DAB1: variants seen among roughly 807,000 people sequenced by gnomAD.
DAB1 encodes the protein disabled homolog 1.
In DAB1, 15 loss-of-function variants were observed where a neutral mutation model predicts 64.6. The observed-to-expected ratio is 0.23, with a 90% CI of 0.16 to 0.36. The LOEUF (loss-of-function observed/expected upper bound fraction) is 0.36. Among genes scored for constraint, DAB1 ranks in the 10% least tolerant of loss-of-function variants. The pLI is 1.00. For synonymous variants in DAB1, 235 were observed against 251.9 expected (o/e 0.93, Z 0.64); for missense variants, 596 against 706.7 (o/e 0.84, Z 1.78).
chr1:58,049,482 T>C (rs1029307145), intron 5 of DAB1: 2 of 222,326 alleles, frequency 9.0e-6, no homozygotes, highest in African/African-American at 4.6e-5. Context: ...CAGAAGGAAT[T>C]GATTGTGTCT....
chr1:57,889,900 G>GGC (rs201797450), intron 5 of DAB1, among the ~76,000 whole-genome samples: 4,320 of 60,484 alleles, frequency 0.071, 391 homozygotes, highest in African/African-American at 0.26. Context: ...AAACTGGGGC[G>GGC]GGGGGGGGGG....
intron 3 of DAB1, among the ~76,000 whole-genome samples, chr1:58,390,882 GC>G (rs1256512798): frequency 6.6e-6 from 1 of 152,168 alleles, no homozygotes; most frequent in Non-Finnish European, 1.5e-5. Context: ...TGTCTGGCAT[GC>G]AGTGGGAATC....
Position 57,841,661 on chromosome 1 carries a change from A to C in DAB1, n.88-15206T>G, listed in dbSNP as rs577884237. Among the ~76,000 whole-genome samples the C allele has an allele frequency of 3.3e-5, 5 of 152,330 alleles. No individual in the cohort carries two copies. The South Asian group carries it at 1.0e-3, about 32-fold the overall frequency. On this transcript the variant is annotated intron_variant and non_coding_transcript_variant, in intron 1 of 1. Transcript: ENST00000477280. ...CTGTACCTTGGCCCCTTTTAGCCAC[A>C]GCTGGAGCTGGAGTGGCTGGAATGC... is the stretch of plus-strand genomic sequence containing the variant.
chr1:58,187,609 C>T (rs908623482), intron 4 of DAB1, among the ~76,000 whole-genome samples: 5 of 149,908 alleles, frequency 3.3e-5, no homozygotes, highest in African/African-American at 1.2e-4. Flanking sequence ...GAAAGAGTTG[C>T]ACTCTTGTCA....
intron 2 of DAB1, among the ~76,000 whole-genome samples, chr1:57,263,509 A>AC (rs1670357725): frequency 6.6e-6 from 1 of 152,182 alleles, no homozygotes; most frequent in Non-Finnish European, 1.5e-5. Flanking sequence ...CCTAGTAAGC[A>AC]CTTATTAACA....
intron 1 of DAB1, among the ~76,000 whole-genome samples, chr1:57,844,615 TTC>T (rs1183832105): frequency 6.6e-6 from 1 of 152,226 alleles, no homozygotes; most frequent in Non-Finnish European, 1.5e-5. Flanking sequence ...GCTGGTTATT[TTC>T]TCTCTGGTAC....
At chr1:57,826,055 G>C (rs1652336079), downstream of DAB1, 1 of 152,210 alleles carries the variant, frequency 6.6e-6, no homozygotes, top group African/African-American at 2.4e-5. Flanking sequence ...GGGTACAGCA[G>C]ATTAACCAAA....
chr1:58,130,736 T>C (rs1653496769), intron 5 of DAB1, among the ~76,000 whole-genome samples: 1 of 151,806 alleles, frequency 6.6e-6, no homozygotes, highest in African/African-American at 2.4e-5. Context: ...TGGCTGGATA[T>C]GAAATTCTGG....
At chr1:58,108,827 C>T (rs371749968) in intron 5 of DAB1, among the ~76,000 whole-genome samples, 4 of 152,280 alleles carry the variant, frequency 2.6e-5, no homozygotes, top group South Asian at 2.1e-4. Flanking sequence ...GACAAGTACA[C>T]GTAAAACACT....
At chr1:57,284,052 C>T (rs1249648741) in intron 2 of DAB1, among the ~76,000 whole-genome samples, 3 of 152,078 alleles carry the variant, frequency 2.0e-5, no homozygotes, top group African/African-American at 7.2e-5. Context: ...AATGTACTTG[C>T]TTTTAGTCAG....
In DAB1 at chr1:58,176,961, G is replaced by A. The variant is rs573324014; in HGVS notation, n.310-26373C>T. On this transcript the variant is annotated intron_variant and non_coding_transcript_variant, in intron 4 of 20. Coordinates refer to the DAB1 transcript ENST00000485760. ...GCCACTGCACTCCAGCCTGGGTGAC[G>A]GAGAGAGACTGTCTCAATAAAAAAA... Among the ~76,000 whole-genome samples the A allele has an allele frequency of 2.1e-3, 318 of 150,744 alleles. 4 individuals are homozygous for A. Among genetic ancestry groups the A allele is most frequent in the African/African-American group, 7.3e-3 (301 of 40,968 alleles).
At chr1:57,528,977 T>C (rs2101409117) in intron 7 of DAB1, among the ~76,000 whole-genome samples, 3 of 152,230 alleles carry the variant, frequency 2.0e-5, no homozygotes, top group Middle Eastern at 6.8e-3. Flanking sequence ...AAAAATACTT[T>C]CTTAAAGGAC....
chr1:57,001,571 C>G (rs1032999420), intron 14 of DAB1, among the ~76,000 whole-genome samples: 7 of 152,152 alleles, frequency 4.6e-5, no homozygotes, highest in African/African-American at 1.4e-4. Context: ...AGTCTCCTGC[C>G]TGAAACAGCC....
At chr1:57,830,410 G>T (rs1413553946) in intron 1 of DAB1, among the ~76,000 whole-genome samples, 1 of 152,114 alleles carries the variant, frequency 6.6e-6, no homozygotes, top group Non-Finnish European at 1.5e-5. Flanking sequence ...CTAAATAGCA[G>T]GTAGGTTATA....
chr1:58,155,771 C>T (rs759500623), intron 4 of DAB1, among the ~76,000 whole-genome samples: 2 of 152,158 alleles, frequency 1.3e-5, no homozygotes, highest in African/African-American at 4.8e-5. Flanking sequence ...ATGCCTGGCA[C>T]GTTGCAGGTG....
At chr1:58,000,717 T>C (rs1014581757) in intron 5 of DAB1, among the ~76,000 whole-genome samples, 1 of 151,900 alleles carries the variant, frequency 6.6e-6, no homozygotes, top group Non-Finnish European at 1.5e-5. Context: ...ATTACAGGCA[T>C]GTGCCACTGC....
intron 4 of DAB1, among the ~76,000 whole-genome samples, chr1:57,076,276 A>C (rs1651982196): frequency 6.6e-6 from 1 of 152,206 alleles, no homozygotes; most frequent in Non-Finnish European, 1.5e-5. Context: ...CAGAGGGTGA[A>C]GGAAAGGCAG....
Position 57,015,189 on chromosome 1 carries a change from A to G in DAB1, c.1138T>C (p.Phe380Leu), listed in dbSNP as rs201372934. Residue 380 changes from phenylalanine to leucine, a missense_variant, in exon 12 of 15, where the codon TTC becomes CTC. Phe to Leu is a conservative substitution (Grantham distance 22). Coordinates refer to ENST00000371236, the MANE Select transcript of DAB1 (RefSeq NM_001365792.1). ...QTVMPLPAAMFQGPLTPLATV... is the reference protein window; with the variant it reads ...QTVMPLPAAMLQGPLTPLATV... ...GCAAGGGGGGTGAGGGGACCTTGGA[A>G]CATGGCAGCTGGCAAAGGCATAACA... The G allele has an allele frequency of 8.7e-6, 14 of 1,614,090 alleles. No homozygotes were observed. The East Asian group carries it at 2.0e-4, about 23-fold the overall frequency.
chr1:57,403,871 T>C (rs867504818), intron 1 of DAB1, among the ~76,000 whole-genome samples: 6 of 152,194 alleles, frequency 3.9e-5, no homozygotes, highest in South Asian at 2.1e-4. Context: ...TCTCACTAGC[T>C]ACATTTCAAA....
Sources: allele counts gnomAD v4.1 joint callset (sites outside exome capture counted in the v4.1 genomes callset), GRCh38; gene constraint gnomAD v4.1.1; transcripts MANE v1.5; gene names NCBI Gene and HGNC (gene_info 2026-07-23, HGNC 2026-07-21).